The following YWHAH variants were observed in gnomAD, a reference collection of about 807,000 sequenced individuals.
YWHAH encodes 14-3-3 protein eta.
In YWHAH, 6 loss-of-function variants were observed where a neutral mutation model predicts 22.9. That is an observed-to-expected ratio of 0.26 (90% CI 0.14 to 0.52). YWHAH has a LOEUF of 0.52. Ranked by LOEUF, YWHAH falls within the 20% of genes least tolerant of loss-of-function variation. The pLI is 0.97. For missense variants in YWHAH, 173 were observed against 308.6 expected (o/e 0.56, Z 3.29); for synonymous variants, 135 against 124.5 (o/e 1.08, Z -0.56).
intron 1 of YWHAH, among the ~76,000 whole-genome samples, chr22:31,953,641 G>A (rs1343804150): frequency 6.6e-6 from 1 of 152,182 alleles, no homozygotes; most frequent in Non-Finnish European, 1.5e-5. Context: ...GATTTAAGGG[G>A]AGCATGGATT....
At chr22:31,945,666 T>A in intron 1 of YWHAH, 1 of 1,270,830 alleles carries the variant, frequency 7.9e-7, no homozygotes, top group Non-Finnish European at 1.0e-6. Flanking sequence ...CTCCACGTTA[T>A]TTTACGTTTT....
At chr22:31,954,444 GACCAACTCTGTT>G (rs1406740885) in intron 1 of YWHAH, among the ~76,000 whole-genome samples, 2 of 152,144 alleles carry the variant, frequency 1.3e-5, no homozygotes, top group African/African-American at 4.8e-5. Context: ...CTTGGGCCCA[GACCAACTCTGTT>G]AGCAACTCTG....
chr22:31,947,247 CAT>C (rs1015498119), intron 1 of YWHAH, among the ~76,000 whole-genome samples: 2 of 152,176 alleles, frequency 1.3e-5, no homozygotes, highest in Non-Finnish European at 2.9e-5. Context: ...GAGCAGGACA[CAT>C]GTGTTAAGGA....
In YWHAH at chr22:31,944,582, C is replaced by G; in HGVS notation, c.-152C>G. 1 of 155,532 alleles carries G rather than the reference C, an allele frequency of 6.4e-6. No individual in the cohort carries two copies. Among genetic ancestry groups the G allele is most frequent in the Non-Finnish European group, 1.0e-5 (1 of 96,716 alleles). The allele number at this position is 155,532 out of a possible 1,614,324, so 9.6% of individuals were successfully genotyped here. On this transcript the variant is annotated 5_prime_UTR_variant, in exon 1 of 2. Transcript: ENST00000248975. The stretch of plus-strand genomic sequence containing the variant: ...GAGAGGGCGCGAGCGGCGGCGCTGC[C>G]TGCAGCCTGCAGCCTGCAGCCTCCG...
chr22:31,945,274 G>T lies in YWHAH; in HGVS notation c.87+454G>T, dbSNP rs1397314229. 8.6e-6 allele frequency: 10 copies of T among 1,161,368 alleles called. No homozygotes were observed. In the African/African-American group the frequency reaches 1.1e-4, roughly 13 times the overall value. The allele number at this position is 1,161,368 out of a possible 1,614,324, so 71.9% of individuals were successfully genotyped here. A position where few individuals can be genotyped will look rare whatever the true frequency, so the allele number is the denominator to read the frequency against. The stretch of plus-strand genomic sequence containing the variant: ...TGTCTCAGCTGGTTTTCTCTGCCAC[G>T]ACCTGAAGTCTGCAATTCCGATCTG... On this transcript the variant is annotated intron_variant, in intron 1 of 1. Coordinates refer to ENST00000248975, the MANE Select transcript of YWHAH (RefSeq NM_003405.4).
intron 1 of YWHAH, chr22:31,950,485 G>C: frequency 1.3e-6 from 1 of 759,076 alleles, no homozygotes; most frequent in Non-Finnish European, 2.5e-6. Flanking sequence ...CAATTCGGAT[G>C]CCTCTAGGGA....
intron 1 of YWHAH, among the ~76,000 whole-genome samples, chr22:31,949,477 C>T (rs114503332): frequency 1.8e-3 from 267 of 151,640 alleles, no homozygotes; most frequent in East Asian, 8.0e-3. Flanking sequence ...ACTTGGTAAA[C>T]GGTAGCTGTT....
In YWHAH at chr22:31,944,623, A is replaced by AGTGCGC. The variant is rs1340134908; in HGVS notation, c.-103_-98dup. Reference sequence around the variant, plus strand: ...GCAGCCTCCGGCCGGCCGGCGAGCCAGTGCGCGTGCGCGGCGGCGGCCTCC... The same window carrying AGTGCGC: ...GCAGCCTCCGGCCGGCCGGCGAGCCAGTGCGCGTGCGCGTGCGCGGCGGCGGCCTCC... On this transcript the variant is annotated 5_prime_UTR_variant, in exon 1 of 2. Coordinates refer to ENST00000248975, the MANE Select transcript of YWHAH (RefSeq NM_003405.4). The AGTGCGC allele has an allele frequency of 2.5e-6, 2 of 810,226 alleles. No homozygotes were observed. Among genetic ancestry groups the AGTGCGC allele is most frequent in the Non-Finnish European group, 3.2e-6 (2 of 630,718 alleles). 50.2% of individuals were successfully genotyped at this position (810,226 alleles called of 1,614,324 possible).
In YWHAH at chr22:31,952,005, C is replaced by T. The variant is rs145549397; in HGVS notation, c.88-4134C>T. Among the ~76,000 whole-genome samples, 22 of 152,116 alleles carry T rather than the reference C, an allele frequency of 1.4e-4. 1 individual carries two copies. In the East Asian group the frequency reaches 2.3e-3, roughly 16 times the overall value. On this transcript the variant is annotated intron_variant, in intron 1 of 1. Transcript: ENST00000248975. ...GTGGCGAAACCCCTGGTTTGTGGCC[C>T]GGTGAAGACTCAGTGCCTAGTGTGG...
intron 1 of YWHAH, among the ~76,000 whole-genome samples, chr22:31,950,661 C>G (rs1374249745): frequency 6.6e-6 from 1 of 152,112 alleles, no homozygotes; most frequent in African/African-American, 2.4e-5. Context: ...GTTACTTACC[C>G]GAACTTGCCT....
At chr22:31,950,502 C>A in intron 1 of YWHAH, 1 of 703,036 alleles carries the variant, frequency 1.4e-6, no homozygotes, top group East Asian at 2.5e-5. Context: ...GGGACAGTAG[C>A]ATGCAGTAAT....
chr22:31,945,740 C>T, intron 1 of YWHAH: 1 of 1,181,596 alleles, frequency 8.5e-7, no homozygotes, highest in Non-Finnish European at 1.1e-6. Context: ...CTGCGACCAC[C>T]AACCTATGTT....
Position 31,956,518 on chromosome 22 carries a change from A to T in YWHAH, c.467A>T (p.Glu156Val). The change falls in exon 2 of 2, where the codon GAA (glutamate) becomes GTA (valine). Residue 156 changes from glutamate (E) to valine (V), a missense_variant. Physicochemically the swap from Glu to Val is moderately radical, Grantham distance 121. Transcript: ENST00000248975. The surrounding 1 kb of genome is among the most constrained non-coding windows in gnomAD (Gnocchi z 5.1). ...VVEASEAAYK[E>V]AFEISKEQMQ... ...GAAGCTTCTGAAGCTGCCTACAAGG[A>T]AGCCTTTGAAATCAGCAAAGAGCAG... 6.2e-7 allele frequency: 1 copy of T among 1,614,222 alleles called. No homozygotes were observed. Among genetic ancestry groups the T allele is most frequent in the Non-Finnish European group, 8.5e-7 (1 of 1,180,032 alleles).
chr22:31,954,042 G>C (rs905748532), intron 1 of YWHAH, among the ~76,000 whole-genome samples: 8 of 152,216 alleles, frequency 5.3e-5, no homozygotes, highest in East Asian at 1.9e-4. Context: ...TTATGTCCTT[G>C]AACCACTAAT....
rs989700816 is a variant in YWHAH, at chr22:31,956,914, G to T, written c.*122G>T. ...TCTGTATTGGCAGCACAGCTACTCA[G>T]ATCTGCACTCCTGTCTCTTGGGAAG... On this transcript the variant is annotated 3_prime_UTR_variant, in exon 2 of 2. Coordinates refer to ENST00000248975, the MANE Select transcript of YWHAH (RefSeq NM_003405.4). The surrounding 1 kb of genome is among the most constrained non-coding windows in gnomAD (Gnocchi z 5.1). 9 of 1,225,128 alleles carry T rather than the reference G, an allele frequency of 7.3e-6. No individual in the cohort carries two copies. The highest frequency in any genetic ancestry group is 2.0e-4 in the Middle Eastern group (1 of 5,060). 75.9% of individuals were successfully genotyped at this position (1,225,128 alleles called of 1,614,324 possible). A position where few individuals can be genotyped will look rare whatever the true frequency, so the allele number is the denominator to read the frequency against.
At position 31,945,214 on chromosome 22, in the gene YWHAH, A is replaced by C. The variant is rs573594998; in HGVS notation, c.87+394A>C. On this transcript the variant is annotated intron_variant, in intron 1 of 1. Transcript: ENST00000248975. ...CCCTCTCGTCTTCCTCCGTTCCCCA[A>C]CTTGGAATAAAGAATCACCTAGTAA... The C allele has an allele frequency of 2.3e-4, 258 of 1,117,514 alleles. 1 individual carries two copies. Among genetic ancestry groups the C allele is most frequent in the Non-Finnish European group, 2.6e-4 (231 of 905,028 alleles). 69.2% of individuals were successfully genotyped at this position (1,117,514 alleles called of 1,614,324 possible). A position where few individuals can be genotyped will look rare whatever the true frequency, so the allele number is the denominator to read the frequency against.
intron 1 of YWHAH, among the ~76,000 whole-genome samples, chr22:31,955,020 A>G (rs1227076939): frequency 6.6e-6 from 1 of 152,210 alleles, no homozygotes; most frequent in Non-Finnish European, 1.5e-5. Flanking sequence ...AACTAAGGGA[A>G]GTTAAAGCTT....
intron 1 of YWHAH, among the ~76,000 whole-genome samples, chr22:31,952,584 G>GC (rs1365538202): frequency 4.6e-5 from 7 of 152,192 alleles, no homozygotes; most frequent in Admixed American, 4.6e-4. Context: ...TTAGGCTCTG[G>GC]CTGGGGTATT....
In YWHAH at chr22:31,956,945, T is replaced by A; in HGVS notation, c.*153T>A. 1 of 998,954 alleles carries A rather than the reference T, an allele frequency of 1.0e-6. No homozygotes were observed. Among genetic ancestry groups the A allele is most frequent in the Non-Finnish European group, 1.4e-6 (1 of 701,386 alleles). The allele number at this position is 998,954 out of a possible 1,614,324, so 61.9% of individuals were successfully genotyped here. Reference sequence around the variant, plus strand: ...CACTCCTGTCTCTTGGGAAGCAGTTTCAGATAAATCATGGGCATTGCTGGA... The same window carrying A: ...CACTCCTGTCTCTTGGGAAGCAGTTACAGATAAATCATGGGCATTGCTGGA... On this transcript the variant is annotated 3_prime_UTR_variant, in exon 2 of 2. Coordinates refer to ENST00000248975, the MANE Select transcript of YWHAH (RefSeq NM_003405.4). This position sits in a 1 kb window ranked among gnomAD's most constrained non-coding sequence, Gnocchi z 5.1.
Sources: allele counts gnomAD v4.1 joint callset (sites outside exome capture counted in the v4.1 genomes callset), GRCh38; gene constraint gnomAD v4.1.1; non-coding constraint Gnocchi (gnomAD v3.1); transcripts MANE v1.5; gene names NCBI Gene and HGNC (gene_info 2026-07-23, HGNC 2026-07-21).